The following PRKCG variants were observed in gnomAD, a reference collection of about 807,000 sequenced individuals.
The protein encoded by PRKCG is protein kinase C gamma type.
A neutral mutation model predicts 82.0 loss-of-function variants in PRKCG; 28 were observed. The observed-to-expected ratio is 0.34, with a 90% CI of 0.25 to 0.47. The LOEUF (loss-of-function observed/expected upper bound fraction) is 0.47. Among genes scored for constraint, PRKCG ranks in the 20% least tolerant of loss-of-function variants. The probability of loss-of-function intolerance (pLI) is 1.00; values close to 1 mark genes in which losing one functional copy is unlikely to be tolerated. For missense variants in PRKCG, 640 were observed against 952.7 expected, an observed-to-expected ratio of 0.67 and a Z score of 4.32; for synonymous variants, 383 against 376.6, an observed-to-expected ratio of 1.02 and a Z score of -0.20.
chr19:53,896,575 A>G (rs1218887392), intron 9 of PRKCG, among the ~76,000 whole-genome samples: 5 of 152,044 alleles, frequency 3.3e-5, no homozygotes, highest in Non-Finnish European at 7.4e-5. Flanking sequence ...ATGTGCCACC[A>G]TGTCCTACTA....
upstream of PRKCG, among the ~76,000 whole-genome samples, chr19:53,881,131 CAGAG>C (rs36156511): frequency 6.7e-6 from 1 of 148,482 alleles, no homozygotes; most frequent in African/African-American, 2.5e-5. Flanking sequence ...CCCCTAGCAT[CAGAG>C]AGAGAGAGAG....
At position 53,906,701 on chromosome 19, in the gene PRKCG, C is replaced by T; in HGVS notation, c.1906-6C>T. 2 of 1,612,470 alleles carry T rather than the reference C, an allele frequency of 1.2e-6. No homozygotes were observed. Among genetic ancestry groups the T allele is most frequent in the Non-Finnish European group, 1.7e-6 (2 of 1,179,990 alleles). On this transcript the variant is annotated splice_polypyrimidine_tract_variant and splice_region_variant and intron_variant, in intron 17 of 17. Transcript: ENST00000263431. ...CTTAACTTTCCCTCCCCCACGTCTC[C>T]CACAGTGTGGCCGCAGCGGCGAGAA...
At chr19:53,906,515 G>T in intron 17 of PRKCG, 58 bp downstream of exon 17, 1 of 1,570,034 alleles carries the variant, frequency 6.4e-7, no homozygotes, top group South Asian at 1.1e-5. Flanking sequence ...GTTCCCCTGG[G>T]CCTCAATATA....
In PRKCG at chr19:53,882,281, TC is replaced by T; in HGVS notation, c.-210del. 3.0e-6 allele frequency: 2 copies of T among 667,322 alleles called. No individual in the cohort carries two copies. The highest frequency in any genetic ancestry group is 5.1e-6 in the Non-Finnish European group (2 of 395,624). 41.3% of individuals were successfully genotyped at this position (667,322 alleles called of 1,614,324 possible). On this transcript the variant is annotated 5_prime_UTR_variant, in exon 1 of 18. Transcript: ENST00000263431. The surrounding 1 kb of genome is among the most constrained non-coding windows in gnomAD (Gnocchi z 6.1). The stretch of plus-strand genomic sequence containing the variant: ...CGGCGCCCCTGCCTTTGGCTCTTCC[TC>T]CCCACTCGCCCGCTCCCCCTGGCGG...
intron 5 of PRKCG, among the ~76,000 whole-genome samples, 199 bp downstream of exon 5, chr19:53,890,216 A>T (rs560395012): frequency 6.0e-5 from 9 of 150,270 alleles, no homozygotes; most frequent in African/African-American, 2.2e-4. Flanking sequence ...CCCGCCTCCA[A>T]CCTGGCTTCT....
In PRKCG at chr19:53,896,033, C is replaced by T. The variant is rs2068715456; in HGVS notation, c.940-1926C>T. 2.7e-5 allele frequency among the ~76,000 whole-genome samples: 4 copies of T among 150,494 alleles called. No individual in the cohort carries two copies. The South Asian group carries it at 8.4e-4, about 32-fold the overall frequency. On this transcript the variant is annotated intron_variant, in intron 9 of 17. Coordinates refer to ENST00000263431, the MANE Select transcript of PRKCG (RefSeq NM_002739.5). Reference sequence around the variant, plus strand: ...CGAGATCGTGCCACTGCACTACAGCCTGGGTGACAGAGCGAGACTCTATCT... The same window carrying T: ...CGAGATCGTGCCACTGCACTACAGCTTGGGTGACAGAGCGAGACTCTATCT...
In PRKCG at chr19:53,892,374, C is replaced by A; in HGVS notation, c.687-135C>A. 7.3e-7 allele frequency: 1 copy of A among 1,367,082 alleles called. No individual in the cohort carries two copies. Among genetic ancestry groups the A allele is most frequent in the Non-Finnish European group, 9.9e-7 (1 of 1,006,366 alleles). The allele number at this position is 1,367,082 out of a possible 1,614,324, so 84.7% of individuals were successfully genotyped here. A position where few individuals can be genotyped will look rare whatever the true frequency, so the allele number is the denominator to read the frequency against. ...GGAGAGAGAGCCCGGCTGGGAAGGT[C>A]AGAGGTCGGAGACCGACAAAGCAGG... On this transcript the variant is annotated intron_variant, in intron 6 of 17. Coordinates refer to ENST00000263431, the MANE Select transcript of PRKCG (RefSeq NM_002739.5). This position sits in a 1 kb window ranked among gnomAD's most constrained non-coding sequence, Gnocchi z 5.9.
Position 53,882,350 on chromosome 19 carries a change from G to A in PRKCG, c.-145G>A. 3 of 1,243,694 alleles carry A rather than the reference G, an allele frequency of 2.4e-6. No individual in the cohort carries two copies. Among genetic ancestry groups the A allele is most frequent in the South Asian group, 1.3e-5 (1 of 74,164 alleles). The allele number at this position is 1,243,694 out of a possible 1,614,324, so 77.0% of individuals were successfully genotyped here. ...TGCCGCTCCCTGCCTGGCGCGCTCC[G>A]CACCTGGAGGTGCCTTGCCCCTCTC... On this transcript the variant is annotated 5_prime_UTR_variant, in exon 1 of 18. Transcript: ENST00000263431. The surrounding 1 kb of genome is among the most constrained non-coding windows in gnomAD (Gnocchi z 6.1).
At position 53,889,986 on chromosome 19, in the gene PRKCG, G is replaced by T. The variant is rs148370843; in HGVS notation, c.498G>T (p.Arg166=). 336 of 1,570,834 alleles carry T rather than the reference G, an allele frequency of 2.1e-4. 6 individuals are homozygous for T. In the East Asian group the frequency reaches 7.9e-3, roughly 37 times the overall value. The change falls in exon 5 of 18, where the codon CGG becomes CGT. Residue 166 remains arginine, a synonymous_variant. Coordinates refer to ENST00000263431, the MANE Select transcript of PRKCG (RefSeq NM_002739.5). The surrounding 1 kb of genome is among the most constrained non-coding windows in gnomAD (Gnocchi z 4.4). ...GCGGGCGCCTGCAGCTGGAGATCCG[G>T]GCTCCCACAGCAGATGAGATCCACG... ...ERRGRLQLEI[R]APTADEIHVT...
rs138320850 is a variant in PRKCG at position 53,884,822 on chromosome 19, G to A, written c.285+579G>A. Among the ~76,000 whole-genome samples the A allele has an allele frequency of 6.6e-5, 10 of 152,328 alleles. No individual in the cohort carries two copies. The highest frequency in any genetic ancestry group is 2.4e-4 in the African/African-American group (10 of 41,572). On this transcript the variant is annotated intron_variant, in intron 3 of 17. Coordinates refer to ENST00000263431, the MANE Select transcript of PRKCG (RefSeq NM_002739.5). This position sits in a 1 kb window ranked among gnomAD's most constrained non-coding sequence, Gnocchi z 4.6. The stretch of plus-strand genomic sequence containing the variant: ...AATGGTGGATACAGACAACAGCTTA[G>A]GAGATGCTGAGAGGAGACCCAGGGA...
chr19:53,898,503 G>A lies in PRKCG; in HGVS notation c.1156G>A (p.Val386Met), dbSNP rs779116953. 1 of 1,613,906 alleles carries A rather than the reference G, an allele frequency of 6.2e-7. No individual in the cohort carries two copies. The highest frequency in any genetic ancestry group is 2.2e-5 in the East Asian group (1 of 44,814). The part of the protein sequence containing the change: ...LYAIKILKKD[V>M]IVQDDDVDCT... ...CGCCATCAAGATCTTGAAAAAGGAC[G>A]TGATCGTCCAGGACGACGATGTGGA... The change falls in exon 11 of 18, where the codon GTG becomes ATG. Residue 386 changes from valine (V) to methionine (M), a missense_variant. By Grantham distance (21) the Val-to-Met change is conservative (BLOSUM62 1). Transcript: ENST00000263431.
intron 11 of PRKCG, among the ~76,000 whole-genome samples, chr19:53,899,896 A>G (rs1010658692): frequency 2.0e-5 from 3 of 152,102 alleles, no homozygotes; most frequent in African/African-American, 7.2e-5. Flanking sequence ...TGCAACTTTG[A>G]TTCTTAGTAG....
chr19:53,881,645 G>T (rs2068590598), upstream of PRKCG: 1 of 152,030 alleles, frequency 6.6e-6, no homozygotes, highest in African/African-American at 2.4e-5. Context: ...GAAAGAAATA[G>T]AAACAGCATT....
At position 53,907,116 on chromosome 19, in the gene PRKCG, C is replaced by T. The variant is rs1261416904; in HGVS notation, c.*221C>T. The T allele has an allele frequency of 1.9e-6, 2 of 1,070,516 alleles. No individual in the cohort carries two copies. The highest frequency in any genetic ancestry group is 2.6e-6 in the Non-Finnish European group (2 of 758,334). 66.3% of individuals were successfully genotyped at this position (1,070,516 alleles called of 1,614,324 possible). ...TCCCGCGTTCAAGACTTGAGCGGAGCCCGATATTCTCCCTGACCTTAGCGT... is the reference window on the plus strand; with the variant it reads ...TCCCGCGTTCAAGACTTGAGCGGAGTCCGATATTCTCCCTGACCTTAGCGT... On this transcript the variant is annotated 3_prime_UTR_variant, in exon 18 of 18. Transcript: ENST00000263431.
intron 5 of PRKCG, 22 bp from the exon 6 acceptor site, chr19:53,891,652 C>T: frequency 6.2e-7 from 1 of 1,613,380 alleles, no homozygotes; most frequent in Non-Finnish European, 8.5e-7. Context: ...ACCCGTCACA[C>T]TCTTCCTCAC....
At chr19:53,895,032 T>C (rs2068707677) in intron 9 of PRKCG, among the ~76,000 whole-genome samples, 1 of 152,146 alleles carries the variant, frequency 6.6e-6, no homozygotes, top group African/African-American at 2.4e-5. Context: ...GAGGAAGTAA[T>C]GCTCTCTCCC....
chr19:53,898,158 G>T, intron 10 of PRKCG, 47 bp downstream of exon 10: 1 of 1,604,912 alleles, frequency 6.2e-7, no homozygotes, highest in Non-Finnish European at 8.5e-7. Context: ...TCTGTGGGAA[G>T]GTCAGATTTC....
In PRKCG at chr19:53,889,839, G is replaced by A; in HGVS notation, c.398-47G>A. 1 of 1,569,428 alleles carries A rather than the reference G, an allele frequency of 6.4e-7. No individual in the cohort carries two copies. The highest frequency in any genetic ancestry group is 8.6e-7 in the Non-Finnish European group (1 of 1,157,840). ...GGGATGGGGTGGGGGGTGGAGTCTTGGCTTGGGGGCGGGGCCTGAGGTGCT... is the reference window on the plus strand; with the variant it reads ...GGGATGGGGTGGGGGGTGGAGTCTTAGCTTGGGGGCGGGGCCTGAGGTGCT... On this transcript the variant is annotated intron_variant, in intron 4 of 17. Transcript: ENST00000263431. The surrounding 1 kb of genome is among the most constrained non-coding windows in gnomAD (Gnocchi z 4.4).
At chr19:53,891,588 G>C (rs986429652) in intron 5 of PRKCG, 86 bp from the exon 6 acceptor site, 2 of 1,552,578 alleles carry the variant, frequency 1.3e-6, no homozygotes, top group Non-Finnish European at 1.8e-6. Flanking sequence ...GGCCAAGCTT[G>C]GAACTCTTGA....
Sources: gnomAD v4.1 joint callset for allele counts (sites outside exome capture counted in the v4.1 genomes callset) on GRCh38, gnomAD v4.1.1 for gene constraint, Gnocchi (gnomAD v3.1) non-coding constraint, MANE v1.5 for transcripts, NCBI Gene and HGNC (gene_info 2026-07-23, HGNC 2026-07-21) for gene names.